The following NADSYN1 variants were observed in gnomAD, a reference collection of about 807,000 sequenced individuals.
The protein encoded by NADSYN1 is glutamine-dependent NAD(+) synthetase.
NADSYN1 carries 80 observed loss-of-function variants against 99.3 expected under a neutral mutation model. That is an observed-to-expected ratio of 0.81 (90% CI 0.67 to 0.97). NADSYN1 has a LOEUF of 0.97. NADSYN1 is among the 50% of genes least tolerant of loss of function. The pLI, the probability that NADSYN1 is intolerant of heterozygous loss-of-function variation, is 0.00. For synonymous variants in NADSYN1, 385 were observed against 372.1 expected (o/e 1.03, Z -0.40); for missense variants, 859 against 948.5 (o/e 0.91, Z 1.24).
chr11:71,468,053 C>T (rs982342331), intron 5 of NADSYN1, among the ~76,000 whole-genome samples: 5 of 152,174 alleles, frequency 3.3e-5, no homozygotes, highest in South Asian at 2.1e-4. Flanking sequence ...AGCCAGGAGA[C>T]GGTGGCTGGA....
chr11:71,476,724 C>T (rs887051714), intron 9 of NADSYN1: 2 of 985,904 alleles, frequency 2.0e-6, no homozygotes, highest in Non-Finnish European at 2.4e-6. Context: ...TCCCCGTTCA[C>T]GTCAGAGCCA....
intron 9 of NADSYN1, chr11:71,476,408 C>G (rs1406307410): frequency 3.2e-6 from 1 of 316,944 alleles, no homozygotes; most frequent in East Asian, 8.1e-5. Flanking sequence ...CCGCTGCGTT[C>G]CCATCCTCAT....
intron 2 of NADSYN1, among the ~76,000 whole-genome samples, chr11:71,457,354 G>A (rs541260811): frequency 2.0e-5 from 3 of 152,244 alleles, no homozygotes; most frequent in Admixed American, 1.3e-4. Context: ...TGGTTTTGGG[G>A]TTTATGCAGG....
intron 5 of NADSYN1, among the ~76,000 whole-genome samples, chr11:71,465,704 C>T (rs1949583874): frequency 6.6e-6 from 1 of 152,168 alleles, no homozygotes; most frequent in Non-Finnish European, 1.5e-5. Flanking sequence ...ATTCTACTCT[C>T]CATTTTTATT....
chr11:71,482,101 G>A (rs1949712256), intron 13 of NADSYN1, 76 bp downstream of exon 13: 1 of 1,357,664 alleles, frequency 7.4e-7, no homozygotes, highest in Non-Finnish European at 1.0e-6. Flanking sequence ...ACCTAGGAGG[G>A]GGCAGAGGAA....
intron 17 of NADSYN1, among the ~76,000 whole-genome samples, chr11:71,491,457 G>A (rs538778516): frequency 7.9e-5 from 12 of 152,052 alleles, no homozygotes; most frequent in African/African-American, 2.9e-4. Context: ...TTCGCCACAC[G>A]GGGTGTGCTG....
chr11:71,478,466 G>A lies in NADSYN1; in HGVS notation c.870G>A (p.Leu290=). 6.2e-7 allele frequency: 1 copy of A among 1,601,792 alleles called. No homozygotes were observed. The highest frequency in any genetic ancestry group is 8.5e-7 in the Non-Finnish European group (1 of 1,173,996). The stretch of plus-strand genomic sequence containing the variant: ...GGGCGGAGATTTCATCTCGAAACCT[G>A]GCGGTGAGTGCTCCAGTAGACACCT... ...SYRAEISSRN[L]AASRASPYPR... The change falls in exon 10 of 21, where the codon CTG becomes CTA. Residue 290 remains leucine, a synonymous_variant. Coordinates refer to ENST00000319023, the MANE Select transcript of NADSYN1 (RefSeq NM_018161.5).
intron 9 of NADSYN1, chr11:71,477,518 C>T: frequency 8.7e-7 from 1 of 1,146,932 alleles, no homozygotes; most frequent in African/African-American, 1.6e-5. Context: ...CGCAGTGGTG[C>T]AGGTGCTGTT....
intron 10 of NADSYN1, chr11:71,479,898 C>G (rs1949693874): frequency 6.6e-6 from 1 of 152,216 alleles, no homozygotes; most frequent in African/African-American, 2.4e-5. Flanking sequence ...GGGTGTAGAA[C>G]CCACAGACAC....
intron 20 of NADSYN1, chr11:71,498,907 G>T (rs12286616): frequency 0.082 from 13,376 of 162,176 alleles, 653 homozygotes; most frequent in African/African-American, 0.14. Flanking sequence ...ATGCACTGGA[G>T]CTGTTGAACT....
chr11:71,501,181 A>C, intron 20 of NADSYN1, 121 bp from the exon 21 acceptor site: 1 of 878,402 alleles, frequency 1.1e-6, no homozygotes, highest in Non-Finnish European at 1.7e-6. Context: ...TCTGGTGGGG[A>C]CTCTGGTAAT....
At chr11:71,483,374 C>T (rs1480479338) in intron 14 of NADSYN1, among the ~76,000 whole-genome samples, 1 of 152,126 alleles carries the variant, frequency 6.6e-6, no homozygotes, top group African/African-American at 2.4e-5. Context: ...CCTTCTGTCC[C>T]CTCACTCCTG....
rs750417374 is a variant in NADSYN1 at position 71,474,392 on chromosome 11, C to T, written c.667-3C>T. On this transcript the variant is annotated splice_region_variant and splice_polypyrimidine_tract_variant and intron_variant, in intron 8 of 20. Transcript: ENST00000319023. ...ACTCCGCTATGGGGTCCTCCTTTTT[C>T]AGAACGGTGGGATTTACTTGCTGGC... 7 of 1,613,996 alleles carry T rather than the reference C, an allele frequency of 4.3e-6. No individual in the cohort carries two copies. Among genetic ancestry groups the T allele is most frequent in the African/African-American group, 1.3e-5 (1 of 74,922 alleles).
chr11:71,468,866 A>G (rs2120429334), intron 5 of NADSYN1, among the ~76,000 whole-genome samples: 1 of 152,386 alleles, frequency 6.6e-6, no homozygotes. Context: ...ACTTTAAGAA[A>G]GATACCATTT....
At chr11:71,481,814 G>A (rs899982276) in intron 12 of NADSYN1, 109 bp from the exon 13 acceptor site, 21 of 883,264 alleles carry the variant, frequency 2.4e-5, no homozygotes, top group Middle Eastern at 4.4e-4. Context: ...TAACACCCAC[G>A]TGCATTTCTG....
At position 71,474,675 on chromosome 11, in the gene NADSYN1, C is replaced by T; in HGVS notation, c.798+149C>T. ...CTGCTCCTGGCTCTCCCCTGTAAGCCGGGCGCTTAGTGAGGGCCCCTGTGG... is the reference window on the plus strand; with the variant it reads ...CTGCTCCTGGCTCTCCCCTGTAAGCTGGGCGCTTAGTGAGGGCCCCTGTGG... On this transcript the variant is annotated intron_variant, in intron 9 of 20. Coordinates refer to ENST00000319023, the MANE Select transcript of NADSYN1 (RefSeq NM_018161.5). 4 of 1,055,960 alleles carry T rather than the reference C, an allele frequency of 3.8e-6. No homozygotes were observed. The South Asian group carries it at 3.9e-5, about 10-fold the overall frequency. 65.4% of individuals were successfully genotyped at this position (1,055,960 alleles called of 1,614,324 possible).
Position 71,481,351 on chromosome 11 carries a change from T to C in NADSYN1, c.999-5T>C. 1 of 1,614,026 alleles carries C rather than the reference T, an allele frequency of 6.2e-7. No homozygotes were observed. Among genetic ancestry groups the C allele is most frequent in the Non-Finnish European group, 8.5e-7 (1 of 1,179,998 alleles). ...TCCGGGCTCCATGTTCTGATTGCCC[T>C]GCAGCCTTGGACCTGCCTGCTGGCT... On this transcript the variant is annotated splice_region_variant and splice_polypyrimidine_tract_variant and intron_variant, in intron 11 of 20. Transcript: ENST00000319023.
At chr11:71,487,825 CG>C (rs1446960933) in intron 16 of NADSYN1, among the ~76,000 whole-genome samples, 6 of 76,786 alleles carry the variant, frequency 7.8e-5, no homozygotes, top group African/African-American at 2.1e-4. Flanking sequence ...AGCAAGACTC[CG>C]TCTCAAAAAA....
chr11:71,458,534 G>A lies in NADSYN1; in HGVS notation c.253G>A (p.Asp85Asn), dbSNP rs372644255. ...TCCCGTCACTCAGGACATCATCTGCGACGTGGGGATGTAAGTGCCAGTGTG... is the reference window on the plus strand; with the variant it reads ...TCCCGTCACTCAGGACATCATCTGCAACGTGGGGATGTAAGTGCCAGTGTG... The part of the protein sequence containing the change: ...ESPVTQDIIC[D>N]VGMPVMHRNV... The change falls in exon 3 of 21, where the codon GAC becomes AAC. Residue 85 changes from aspartate to asparagine, a missense_variant. Physicochemically the swap from Asp to Asn is conservative, Grantham distance 23. Coordinates refer to ENST00000319023, the MANE Select transcript of NADSYN1 (RefSeq NM_018161.5). 5.0e-5 allele frequency: 81 copies of A among 1,606,268 alleles called. No homozygotes were observed. The highest frequency in any genetic ancestry group is 6.5e-5 in the Non-Finnish European group (76 of 1,172,812).
Sources: allele counts gnomAD v4.1 joint callset (sites outside exome capture counted in the v4.1 genomes callset), GRCh38; gene constraint gnomAD v4.1.1; transcripts MANE v1.5; gene names NCBI Gene and HGNC (gene_info 2026-07-23, HGNC 2026-07-21).